The following MSRA variants were observed in gnomAD, a reference collection of about 807,000 sequenced individuals.
The protein encoded by MSRA is methionine sulfoxide reductase A.
Under a neutral mutation model 31.3 loss-of-function variants are expected in MSRA, and 54 were observed. The ratio of observed to expected loss-of-function variants is 1.73; its 90% confidence interval spans 1.39 to 2.17. The LOEUF is 2.17. Ranked by LOEUF, MSRA falls within the 30% of genes most tolerant of loss-of-function variation. The pLI, the probability that MSRA is intolerant of heterozygous loss-of-function variation, is 0.00. For synonymous variants in MSRA, 169 were observed against 116.5 expected, an observed-to-expected ratio of 1.45 and a Z score of -2.90; for missense variants, 507 against 300.9, an observed-to-expected ratio of 1.69 and a Z score of -5.07.
At chr8:10,160,671 A>G (rs999005700) in intron 1 of MSRA, among the ~76,000 whole-genome samples, 9 of 152,100 alleles carry the variant, frequency 5.9e-5, no homozygotes, top group African/African-American at 2.2e-4. Flanking sequence ...CTGGGATTAC[A>G]GGTGACTGCT....
chr8:10,291,351 A>G (rs967251582), intron 3 of MSRA, among the ~76,000 whole-genome samples: 2 of 152,104 alleles, frequency 1.3e-5, no homozygotes, highest in African/African-American at 4.8e-5. Flanking sequence ...TCTACTTTTC[A>G]ATCAATAGGA....
At chr8:10,417,678 C>G (rs114079053) in intron 5 of MSRA, among the ~76,000 whole-genome samples, 2 of 151,472 alleles carry the variant, frequency 1.3e-5, no homozygotes, top group African/African-American at 4.9e-5. Context: ...TGATTGACAT[C>G]TATTTGGTCA....
intron 1 of MSRA, among the ~76,000 whole-genome samples, chr8:10,129,251 T>C (rs1375566130): frequency 1.3e-5 from 2 of 151,996 alleles, no homozygotes; most frequent in African/African-American, 2.4e-5. Flanking sequence ...ATGACTATCA[T>C]TGGTAGTGGT....
intron 4 of MSRA, among the ~76,000 whole-genome samples, chr8:10,314,911 A>G (rs1221129088): frequency 6.6e-6 from 1 of 152,210 alleles, no homozygotes; most frequent in Non-Finnish European, 1.5e-5. Flanking sequence ...GTCTATTCCC[A>G]TGCTGCTAAT....
At chr8:10,208,110 C>T (rs763000375) in intron 2 of MSRA, among the ~76,000 whole-genome samples, 9 of 152,116 alleles carry the variant, frequency 5.9e-5, no homozygotes, top group Non-Finnish European at 1.0e-4. Context: ...TATTTTCTCA[C>T]GTTGACAACC....
At chr8:10,295,601 C>G (rs1800493918) in intron 3 of MSRA, among the ~76,000 whole-genome samples, 1 of 152,200 alleles carries the variant, frequency 6.6e-6, no homozygotes, top group Non-Finnish European at 1.5e-5. Flanking sequence ...TCCCTGCTGG[C>G]GAAGCACCAC....
At chr8:10,122,714 G>A (rs1254318250) in intron 1 of MSRA, among the ~76,000 whole-genome samples, 1 of 151,970 alleles carries the variant, frequency 6.6e-6, no homozygotes, top group Non-Finnish European at 1.5e-5. Context: ...AGGCCCCAGT[G>A]TCTTTTGTTC....
At chr8:10,425,253 C>A (rs1372692707) in intron 5 of MSRA, among the ~76,000 whole-genome samples, 1 of 152,222 alleles carries the variant, frequency 6.6e-6, no homozygotes, top group Non-Finnish European at 1.5e-5. Context: ...CAGGACCCGT[C>A]CATGAGGTCC....
At chr8:10,118,914 G>A (rs1447754225) in intron 1 of MSRA, among the ~76,000 whole-genome samples, 1 of 152,168 alleles carries the variant, frequency 6.6e-6, no homozygotes, top group African/African-American at 2.4e-5. Context: ...TGTGGAATAT[G>A]GGAAGGCAAC....
chr8:10,213,973 C>T (rs1462059982), intron 2 of MSRA, among the ~76,000 whole-genome samples: 2 of 152,106 alleles, frequency 1.3e-5, no homozygotes, highest in Non-Finnish European at 2.9e-5. Context: ...CAAGCAGCAA[C>T]AGCAGAAGTA....
chr8:10,314,979 G>C (rs530986869), intron 4 of MSRA, among the ~76,000 whole-genome samples: 2 of 152,222 alleles, frequency 1.3e-5, no homozygotes, highest in Admixed American at 6.5e-5. Context: ...TGGACCCCAA[G>C]TTCCACATGG....
chr8:10,069,108 T>A (rs1335336685), intron 1 of MSRA, among the ~76,000 whole-genome samples: 4 of 152,256 alleles, frequency 2.6e-5, no homozygotes, highest in South Asian at 2.1e-4. Context: ...TAATTGACTT[T>A]CGTATATTAA....
At chr8:10,149,557 C>T (rs183059833) in intron 1 of MSRA, among the ~76,000 whole-genome samples, 1 of 152,260 alleles carries the variant, frequency 6.6e-6, no homozygotes, top group Non-Finnish European at 1.5e-5. Context: ...GCCAATTTCC[C>T]CTTTTTGCAG....
chr8:10,359,051 A>G (rs1563391472), intron 5 of MSRA, among the ~76,000 whole-genome samples: 1 of 152,190 alleles, frequency 6.6e-6, no homozygotes, highest in Non-Finnish European at 1.5e-5. Flanking sequence ...CCCCAGGTCT[A>G]TGGAAAAATT....
chr8:10,354,711 T>G (rs1247754408), intron 5 of MSRA, among the ~76,000 whole-genome samples: 4 of 149,760 alleles, frequency 2.7e-5, no homozygotes, highest in African/African-American at 9.8e-5. Flanking sequence ...TTCATGAATA[T>G]CTTTTCATAC....
chr8:10,326,023 A>G (rs991009983), intron 5 of MSRA, among the ~76,000 whole-genome samples: 2 of 152,218 alleles, frequency 1.3e-5, no homozygotes, highest in Admixed American at 1.3e-4. Context: ...TTCATTTTAC[A>G]TACACTGCTT....
intron 3 of MSRA, among the ~76,000 whole-genome samples, chr8:10,261,388 T>A (rs1257984754): frequency 1.0e-5 from 1 of 96,248 alleles, no homozygotes; most frequent in African/African-American, 3.3e-5. Flanking sequence ...AATCTGTTAC[T>A]TAAAAAAAAA....
chr8:10,337,701 C>G (rs1199291265), intron 5 of MSRA: 1 of 702,588 alleles, frequency 1.4e-6, no homozygotes, highest in East Asian at 2.7e-5. Flanking sequence ...CTCCTCCTCT[C>G]TCGGCAGCTG....
intron 3 of MSRA, among the ~76,000 whole-genome samples, chr8:10,280,997 C>T (rs79695695): frequency 0.013 from 2,013 of 152,180 alleles, 131 homozygotes; most frequent in Admixed American, 0.091. Context: ...TTAGCTTGGA[C>T]GGGGGAGATG....
Sources: gnomAD v4.1 joint callset for allele counts (sites outside exome capture counted in the v4.1 genomes callset) on GRCh38, gnomAD v4.1.1 for gene constraint, MANE v1.5 for transcripts, NCBI Gene and HGNC (gene_info 2026-07-23, HGNC 2026-07-21) for gene names.